PIBF1: variants seen among roughly 807,000 people sequenced by gnomAD.
The protein encoded by PIBF1 is progesterone immunomodulatory binding factor 1, also known as progesterone-induced-blocking factor 1.
A neutral mutation model predicts 112.5 loss-of-function variants in PIBF1; 90 were observed. The observed-to-expected ratio is 0.80, with a 90% CI of 0.67 to 0.95. The LOEUF (loss-of-function observed/expected upper bound fraction) is 0.95, where lower values mean the gene tolerates loss of function less well. PIBF1 is among the 40% of genes least tolerant of loss of function. The pLI is 0.00. For synonymous variants in PIBF1, 301 were observed against 288.6 expected, an observed-to-expected ratio of 1.04 and a Z score of -0.44; for missense variants, 915 against 852.3, an observed-to-expected ratio of 1.07 and a Z score of -0.92.
At position 72,783,496 on chromosome 13, in the gene PIBF1, A is replaced by G; in HGVS notation, c.27A>G (p.Ser9=). The change falls in exon 2 of 18, where the codon TCA becomes TCG. Residue 9 remains serine, a synonymous_variant. Coordinates refer to ENST00000326291, the MANE Select transcript of PIBF1 (RefSeq NM_006346.4). MSRKISKE[S]KKVNISSSLE... ...TGTCTCGAAAAATTTCAAAGGAGTC[A>G]AAAAAAGTGAACATCTCTAGTTCTC... 1 of 1,598,632 alleles carries G rather than the reference A, an allele frequency of 6.3e-7. No individual in the cohort carries two copies.
chr13:72,985,254 G>T (rs1391639540), intron 16 of PIBF1, among the ~76,000 whole-genome samples: 6 of 151,244 alleles, frequency 4.0e-5, no homozygotes, highest in African/African-American at 1.2e-4. Flanking sequence ...CAGGCCGGGC[G>T]CAGTGGCTCA....
chr13:72,893,199 C>T (rs1164741851), intron 10 of PIBF1, among the ~76,000 whole-genome samples: 3 of 152,030 alleles, frequency 2.0e-5, no homozygotes, highest in East Asian at 1.9e-4. Flanking sequence ...TTTTTATTAC[C>T]GGTTATACCT....
chr13:72,824,651 T>C (rs185210569), intron 6 of PIBF1, among the ~76,000 whole-genome samples: 1 of 152,180 alleles, frequency 6.6e-6, no homozygotes, highest in African/African-American at 2.4e-5. Context: ...CATAATAATA[T>C]TGATTCAGAA....
intron 17 of PIBF1, among the ~76,000 whole-genome samples, chr13:73,006,240 A>C (rs2044031006): frequency 1.3e-5 from 2 of 152,246 alleles, no homozygotes; most frequent in African/African-American, 4.8e-5. Context: ...TTTTATGTTG[A>C]ATGTAGACTC....
chr13:73,010,810 C>CTTTTTCTTTTTTT lies in PIBF1; in HGVS notation c.2224-5054_2224-5053insCTTTTTTTTTTTT, dbSNP rs2044174823. Reference sequence around the variant, plus strand: ...CTGAGCTGGAAAATCATTAACTTTTCTTTTTTTTTTTTTTTTTTTTTTTTT... The same window carrying CTTTTTCTTTTTTT: ...CTGAGCTGGAAAATCATTAACTTTTCTTTTTCTTTTTTTTTTTTTTTTTTTTTTTTTTTTTTTT... On this transcript the variant is annotated intron_variant, in intron 17 of 17. Transcript: ENST00000326291. 2.2e-4 allele frequency among the ~76,000 whole-genome samples: 9 copies of CTTTTTCTTTTTTT among 40,306 alleles called. 1 individual carries two copies. Among genetic ancestry groups the CTTTTTCTTTTTTT allele is most frequent in the African/African-American group, 8.6e-4 (9 of 10,462 alleles). 26.4% of individuals were successfully genotyped at this position (40,306 alleles called of 152,430 possible). A position where few individuals can be genotyped will look rare whatever the true frequency, so the allele number is the denominator to read the frequency against.
intron 11 of PIBF1, among the ~76,000 whole-genome samples, chr13:72,906,940 A>G (rs1055198323): frequency 6.6e-6 from 1 of 152,192 alleles, no homozygotes; most frequent in Non-Finnish European, 1.5e-5. Context: ...TTAATGAATT[A>G]CATCCCAATG....
At chr13:72,948,424 A>T (rs914014728) in intron 14 of PIBF1, among the ~76,000 whole-genome samples, 10 of 152,114 alleles carry the variant, frequency 6.6e-5, no homozygotes, top group Non-Finnish European at 1.5e-4. Context: ...TTTTGTCCAT[A>T]TGACCATTGG....
intron 8 of PIBF1, among the ~76,000 whole-genome samples, chr13:72,830,217 A>G (rs1300751832): frequency 1.3e-5 from 2 of 152,098 alleles, no homozygotes; most frequent in East Asian, 1.9e-4. Context: ...CATGTCATCA[A>G]CGAACTGAGA....
chr13:72,871,396 C>A (rs932309810), intron 10 of PIBF1, among the ~76,000 whole-genome samples: 1 of 152,098 alleles, frequency 6.6e-6, no homozygotes, highest in African/African-American at 2.4e-5. Flanking sequence ...ACCTCCACCT[C>A]CCGGGTTCGA....
chr13:72,783,707 G>C lies in PIBF1; in HGVS notation c.238G>C (p.Asp80His). The C allele has an allele frequency of 6.2e-7, 1 of 1,613,712 alleles. No homozygotes were observed. The highest frequency in any genetic ancestry group is 1.1e-5 in the South Asian group (1 of 91,050). Residue 80 changes from aspartate (D) to histidine (H), a missense_variant, in exon 2 of 18, where the codon GAT becomes CAT. Physicochemically the swap from Asp to His is moderately conservative, Grantham distance 81. Transcript: ENST00000326291. The stretch of plus-strand genomic sequence containing the variant: ...TATGATGATCGACAATTTGAAAGTG[G>C]ATTATCTTACAAAGGTAAGATCAGG... ...KTMMIDNLKV[D>H]YLTKIEELEE...
chr13:72,907,261 A>G (rs1013273591), intron 11 of PIBF1, among the ~76,000 whole-genome samples: 2 of 152,140 alleles, frequency 1.3e-5, no homozygotes, highest in African/African-American at 4.8e-5. Context: ...AAGGAAAATT[A>G]TAATTTCTGC....
At chr13:72,908,086 T>C (rs1292084084) in intron 11 of PIBF1, among the ~76,000 whole-genome samples, 2 of 152,176 alleles carry the variant, frequency 1.3e-5, no homozygotes, top group Non-Finnish European at 2.9e-5. Flanking sequence ...ATTAAGATCA[T>C]AGTAAGGGTA....
intron 12 of PIBF1, 30 bp downstream of exon 12, chr13:72,908,711 A>G: frequency 6.4e-7 from 1 of 1,569,960 alleles, no homozygotes; most frequent in Non-Finnish European, 8.6e-7. Flanking sequence ...CACATGCACA[A>G]CTTTTTTTTT....
intron 10 of PIBF1, among the ~76,000 whole-genome samples, chr13:72,876,692 T>C (rs1342049977): frequency 6.6e-6 from 1 of 152,172 alleles, no homozygotes; most frequent in African/African-American, 2.4e-5. Flanking sequence ...TTAATATAAA[T>C]GTTACTGTGT....
intron 12 of PIBF1, 130 bp downstream of exon 12, chr13:72,908,811 G>A (rs779901185): frequency 6.8e-5 from 45 of 663,400 alleles, no homozygotes; most frequent in Non-Finnish European, 9.3e-5. Context: ...CACTTTGGGC[G>A]GCCAAGGTGG....
In PIBF1 at chr13:72,782,158, G is replaced by C. The variant is rs1023629857; in HGVS notation, c.-239G>C. 6.8e-6 allele frequency: 2 copies of C among 292,332 alleles called. No homozygotes were observed. The highest frequency in any genetic ancestry group is 4.3e-5 in the African/African-American group (2 of 46,282). The allele number at this position is 292,332 out of a possible 1,614,324, so 18.1% of individuals were successfully genotyped here. A position where few individuals can be genotyped will look rare whatever the true frequency, so the allele number is the denominator to read the frequency against. ...AGAGTTGACTTCCGGCGGCTTGTGG[G>C]AGTGCTGGTTCTGTCCTCCTTGCGG... On this transcript the variant is annotated 5_prime_UTR_variant, in exon 1 of 18. Coordinates refer to ENST00000326291, the MANE Select transcript of PIBF1 (RefSeq NM_006346.4).
At chr13:72,846,756 C>T (rs1212946432) in intron 9 of PIBF1, among the ~76,000 whole-genome samples, 1 of 152,054 alleles carries the variant, frequency 6.6e-6, no homozygotes, top group Non-Finnish European at 1.5e-5. Context: ...TCTATGTTGT[C>T]TTTGTTTTTA....
chr13:72,956,745 C>T (rs1260204577), intron 14 of PIBF1, among the ~76,000 whole-genome samples: 1 of 152,134 alleles, frequency 6.6e-6, no homozygotes, highest in Non-Finnish European at 1.5e-5. Flanking sequence ...TCTTACACCT[C>T]AGGAGAGATT....
At chr13:73,005,589 G>T (rs28412981) in intron 17 of PIBF1, among the ~76,000 whole-genome samples, 17,937 of 151,836 alleles carry the variant, frequency 0.12, 1,412 homozygotes, top group Non-Finnish European at 0.18. Context: ...ATTCATGAGG[G>T]AAAGTTTATA....
Sources: gnomAD v4.1 joint callset for allele counts (sites outside exome capture counted in the v4.1 genomes callset) on GRCh38, gnomAD v4.1.1 for gene constraint, MANE v1.5 for transcripts, NCBI Gene and HGNC (gene_info 2026-07-23, HGNC 2026-07-21) for gene names.